DDX50: variants seen among roughly 807,000 people sequenced by gnomAD.
The protein encoded by DDX50 is DExD-box helicase 50.
DDX50 carries 56 observed loss-of-function variants against 94.8 expected under a neutral mutation model. That is an observed-to-expected ratio of 0.59 (90% confidence interval 0.48 to 0.74). The LOEUF (loss-of-function observed/expected upper bound fraction) is 0.74. Ranked by LOEUF, DDX50 falls within the 30% of genes least tolerant of loss-of-function variation. The pLI is 0.00. For synonymous variants in DDX50, 264 were observed against 295.4 expected (o/e 0.89, Z 1.09); for missense variants, 713 against 881.2 (o/e 0.81, Z 2.42).
At chr10:68,931,364 G>C (rs1196185203) in intron 8 of DDX50, among the ~76,000 whole-genome samples, 4 of 138,778 alleles carry the variant, frequency 2.9e-5, no homozygotes, top group Non-Finnish European at 4.5e-5. Context: ...CCAGGCTGGT[G>C]GGTGGGTGAC....
chr10:68,916,985 A>G (rs985503201), intron 7 of DDX50, among the ~76,000 whole-genome samples: 1 of 151,120 alleles, frequency 6.6e-6, no homozygotes, highest in Non-Finnish European at 1.5e-5. Flanking sequence ...TGCGCCTGGC[A>G]TAGTAATTCT....
At chr10:68,931,447 A>ACACACACACACACACACACACAC (rs10525578) in intron 8 of DDX50, among the ~76,000 whole-genome samples, 3 of 134,952 alleles carry the variant, frequency 2.2e-5, no homozygotes, top group African/African-American at 8.2e-5. Flanking sequence ...ACACACACAC[A>ACACACACACACACACACACACAC]ATTTTTTTTT....
At chr10:68,917,418 C>T (rs1036123325) in intron 7 of DDX50, among the ~76,000 whole-genome samples, 1 of 152,122 alleles carries the variant, frequency 6.6e-6, no homozygotes, top group African/African-American at 2.4e-5. Context: ...GAGATCGTGC[C>T]ACTGAACTCT....
intron 8 of DDX50, among the ~76,000 whole-genome samples, chr10:68,924,227 C>T (rs1257179166): frequency 2.0e-5 from 3 of 151,566 alleles, no homozygotes; most frequent in African/African-American, 4.8e-5. Flanking sequence ...CTGCCTAGGC[C>T]TCCCAAAGTG....
At position 68,901,487 on chromosome 10, in the gene DDX50, G is replaced by C; in HGVS notation, c.87+16G>C. 3.2e-6 allele frequency: 5 copies of C among 1,555,474 alleles called. No homozygotes were observed. Among genetic ancestry groups the C allele is most frequent in the Non-Finnish European group, 4.3e-6 (5 of 1,149,804 alleles). On this transcript the variant is annotated intron_variant, in intron 1 of 14. Transcript: ENST00000373585. ...GAGGCAAAAGGTGCGCTGAGCATGGGCCGCGCCTCCTTTTGGGCTGCGCCG... is the reference window on the plus strand; with the variant it reads ...GAGGCAAAAGGTGCGCTGAGCATGGCCCGCGCCTCCTTTTGGGCTGCGCCG...
intron 7 of DDX50, among the ~76,000 whole-genome samples, chr10:68,918,849 G>GAC (rs1841872776): frequency 6.6e-6 from 1 of 152,172 alleles, no homozygotes; most frequent in Non-Finnish European, 1.5e-5. Context: ...GGTCAGTGAT[G>GAC]GACCATATAT....
At chr10:68,943,127 C>A in intron 13 of DDX50, 86 bp from the exon 14 acceptor site, 1 of 1,155,878 alleles carries the variant, frequency 8.7e-7, no homozygotes, top group Non-Finnish European at 1.3e-6. Flanking sequence ...CATTAAGCAG[C>A]CACTGAGTCA....
At chr10:68,914,248 A>G (rs778414275) in intron 7 of DDX50, 44 bp downstream of exon 7, 21 of 1,596,516 alleles carry the variant, frequency 1.3e-5, no homozygotes, top group Non-Finnish European at 1.7e-5. Flanking sequence ...TTTAGTTGGT[A>G]TTTACTTTTG....
chr10:68,919,845 A>G lies in DDX50; in HGVS notation c.1103A>G (p.Gln368Arg). The G allele has an allele frequency of 6.2e-7, 1 of 1,613,396 alleles. No homozygotes were observed. Among genetic ancestry groups the G allele is most frequent in the East Asian group, 2.2e-5 (1 of 44,888 alleles). The change falls in exon 8 of 15, where the codon CAG becomes CGG. Residue 368 changes from glutamine to arginine, a missense_variant. Around this residue, in one of 2 missense-constraint regions of DDX50, gnomAD observed 428 missense variants for 602.3 expected, o/e 0.71. Transcript: ENST00000373585. ...CTTTCTTCAAAGCATTTGGCCATCC[A>G]GTGTCATTGGTCTCAGAGGCCAGCA... Reference protein sequence around the residue: ...AATTVEHLAIQCHWSQRPAVI... With the variant: ...AATTVEHLAIRCHWSQRPAVI...
intron 7 of DDX50, among the ~76,000 whole-genome samples, chr10:68,916,920 A>T (rs1228538043): frequency 6.6e-6 from 1 of 152,032 alleles, no homozygotes; most frequent in African/African-American, 2.4e-5. Context: ...TCATGACCTC[A>T]AGTGATCCGC....
intron 8 of DDX50, 56 bp downstream of exon 8, chr10:68,920,037 C>G: frequency 6.3e-7 from 1 of 1,598,436 alleles, no homozygotes. Flanking sequence ...AATCACTGAA[C>G]GAAAATTATA....
chr10:68,909,322 A>G (rs1415157541), intron 2 of DDX50, among the ~76,000 whole-genome samples: 1 of 152,226 alleles, frequency 6.6e-6, no homozygotes, highest in Non-Finnish European at 1.5e-5. Flanking sequence ...TTCTATGTGC[A>G]CATTAGTATA....
chr10:68,901,541 C>G, intron 1 of DDX50, 70 bp downstream of exon 1: 3 of 1,470,042 alleles, frequency 2.0e-6, no homozygotes, highest in East Asian at 2.6e-5. Flanking sequence ...ACTGTCTGTC[C>G]CTGATGATGG....
chr10:68,935,926 C>A, intron 10 of DDX50, 80 bp from the exon 11 acceptor site: 2 of 924,150 alleles, frequency 2.2e-6, no homozygotes, highest in Non-Finnish European at 3.3e-6. Context: ...AATAGAAATT[C>A]AACGAACTAT....
At chr10:68,906,645 A>C (rs1482417483) in intron 1 of DDX50, 66 bp from the exon 2 acceptor site, 6 of 1,554,870 alleles carry the variant, frequency 3.9e-6, no homozygotes, top group Non-Finnish European at 5.2e-6. Flanking sequence ...GTCATGCTCT[A>C]ACTTCTCTAG....
At chr10:68,915,714 CAAAAAAA>C (rs1206127189) in intron 7 of DDX50, among the ~76,000 whole-genome samples, 5 of 92,378 alleles carry the variant, frequency 5.4e-5, no homozygotes, top group African/African-American at 1.3e-4. Flanking sequence ...GACAACATCT[CAAAAAAA>C]AAAAAAAGAA....
intron 8 of DDX50, among the ~76,000 whole-genome samples, chr10:68,929,412 CTTTCTTTCCTTCT>C (rs1297576623): frequency 1.4e-5 from 2 of 138,632 alleles, no homozygotes; most frequent in Non-Finnish European, 3.1e-5. Context: ...TTCTTCCTTC[CTTTCTTTCCTTCT>C]TTTCTTTCTT....
At chr10:68,915,923 T>C (rs1051593406) in intron 7 of DDX50, among the ~76,000 whole-genome samples, 1 of 152,176 alleles carries the variant, frequency 6.6e-6, no homozygotes, top group Non-Finnish European at 1.5e-5. Context: ...CAATGATGTA[T>C]ACAAAAATTA....
At position 68,934,060 on chromosome 10, in the gene DDX50, T is replaced by G. The variant is rs1364955390; in HGVS notation, c.1240-139T>G. On this transcript the variant is annotated intron_variant, in intron 8 of 14. Coordinates refer to ENST00000373585, the MANE Select transcript of DDX50 (RefSeq NM_024045.2). The surrounding 1 kb of genome is among the most constrained non-coding windows in gnomAD (Gnocchi z 4.0). Reference sequence around the variant, plus strand: ...ATTTTCTGTCATGTTTGACTTTTTTTTTTTACAGTAAGCATGCATTGTTAA... The same window carrying G: ...ATTTTCTGTCATGTTTGACTTTTTTGTTTTACAGTAAGCATGCATTGTTAA... The G allele has an allele frequency of 2.6e-6, 2 of 764,710 alleles. No homozygotes were observed. Among genetic ancestry groups the G allele is most frequent in the Non-Finnish European group, 3.8e-6 (2 of 532,244 alleles). 47.4% of individuals were successfully genotyped at this position (764,710 alleles called of 1,614,324 possible). A position where few individuals can be genotyped will look rare whatever the true frequency, so the allele number is the denominator to read the frequency against.
Sources: gnomAD v4.1 joint callset for allele counts (sites outside exome capture counted in the v4.1 genomes callset) on GRCh38, gnomAD v4.1.1 for gene constraint, gnomAD v4.1.1 regional missense constraint, Gnocchi (gnomAD v3.1) non-coding constraint, MANE v1.5 for transcripts, NCBI Gene and HGNC (gene_info 2026-07-23, HGNC 2026-07-21) for gene names.